SFXN1: variants seen among roughly 807,000 people sequenced by gnomAD.
The protein encoded by SFXN1 is sideroflexin-1.
A neutral mutation model predicts 39.5 loss-of-function variants in SFXN1; 32 were observed. That is an observed-to-expected ratio of 0.81 (90% CI 0.61 to 1.09). The LOEUF (loss-of-function observed/expected upper bound fraction) is 1.09, where lower values mean the gene tolerates loss of function less well. Ranked by LOEUF, SFXN1 falls within the 50% of genes least tolerant of loss-of-function variation. The pLI, the probability that SFXN1 is intolerant of heterozygous loss-of-function variation, is 0.00. For synonymous variants in SFXN1, 136 were observed against 146.5 expected, an observed-to-expected ratio of 0.93 and a Z score of 0.52; for missense variants, 402 against 407.1, an observed-to-expected ratio of 0.99 and a Z score of 0.11.
chr5:175,513,214 C>T (rs1450974843), intron 6 of SFXN1, among the ~76,000 whole-genome samples: 3 of 143,462 alleles, frequency 2.1e-5, no homozygotes, highest in African/African-American at 7.7e-5. Context: ...GCAGGAGAAT[C>T]GCTTTGAACC....
intron 1 of SFXN1, among the ~76,000 whole-genome samples, chr5:175,480,623 A>G (rs1482465139): frequency 6.6e-6 from 1 of 152,244 alleles, no homozygotes; most frequent in East Asian, 1.9e-4. Context: ...TAAAAGTTCT[A>G]TGAAACCCCA....
chr5:175,480,627 A>C (rs1759210007), intron 1 of SFXN1, among the ~76,000 whole-genome samples: 1 of 152,246 alleles, frequency 6.6e-6, no homozygotes, highest in African/African-American at 2.4e-5. Flanking sequence ...AGTTCTATGA[A>C]ACCCCATGGG....
intron 2 of SFXN1, among the ~76,000 whole-genome samples, chr5:175,496,967 T>C (rs267365): frequency 0.84 from 127,326 of 151,750 alleles, 53,753 homozygotes; most frequent in African/African-American, 0.92. Context: ...CAGCTCACTG[T>C]AACCTCTGCC....
chr5:175,491,036 G>A (rs910252624), intron 1 of SFXN1, among the ~76,000 whole-genome samples: 11 of 151,954 alleles, frequency 7.2e-5, no homozygotes, highest in African/African-American at 1.2e-4. Flanking sequence ...TGTATTTTTC[G>A]GAATACCACA....
intron 2 of SFXN1, among the ~76,000 whole-genome samples, chr5:175,500,403 A>AACACACACACAC (rs4008099): frequency 1.2e-4 from 15 of 127,296 alleles, no homozygotes; most frequent in African/African-American, 1.7e-4. Context: ...CCTGTACACC[A>AACACACACACAC]ACACACACAC....
chr5:175,519,392 A>G (rs750931364), intron 8 of SFXN1, among the ~76,000 whole-genome samples: 47 of 152,238 alleles, frequency 3.1e-4, no homozygotes, highest in Non-Finnish European at 6.2e-4. Flanking sequence ...TAAAAGACGA[A>G]TATTCATAGC....
At position 175,513,191 on chromosome 5, in the gene SFXN1, T is replaced by C. The variant is rs139000060; in HGVS notation, c.597-272T>C. Reference sequence around the variant, plus strand: ...GTCACATGCCTGTAATTCTAGCTACTCGGGAGGCTGAGGCAGGAGAATCGC... The same window carrying C: ...GTCACATGCCTGTAATTCTAGCTACCCGGGAGGCTGAGGCAGGAGAATCGC... On this transcript the variant is annotated intron_variant, in intron 6 of 10. Coordinates refer to ENST00000321442, the MANE Select transcript of SFXN1 (RefSeq NM_022754.7). 3.1e-3 allele frequency among the ~76,000 whole-genome samples: 460 copies of C among 150,654 alleles called. 4 individuals carry two copies. The highest frequency in any genetic ancestry group is 0.011 in the African/African-American group (440 of 41,052).
chr5:175,492,866 A>G (rs995019167), intron 2 of SFXN1, among the ~76,000 whole-genome samples: 2 of 152,210 alleles, frequency 1.3e-5, no homozygotes, highest in East Asian at 1.9e-4. Flanking sequence ...GTAAAAGATC[A>G]TATAGGAACT....
At chr5:175,490,684 TGC>T (rs1362136847) in intron 1 of SFXN1, among the ~76,000 whole-genome samples, 1 of 152,148 alleles carries the variant, frequency 6.6e-6, no homozygotes, top group Non-Finnish European at 1.5e-5. Context: ...GCTAATATCA[TGC>T]AAAGAGAGCT....
chr5:175,517,406 G>T (rs958386726), intron 8 of SFXN1, among the ~76,000 whole-genome samples: 2 of 152,016 alleles, frequency 1.3e-5, no homozygotes, highest in Admixed American at 1.3e-4. Flanking sequence ...CCACATGGAA[G>T]GGCCCACTGG....
At chr5:175,500,736 T>C (rs1760044490) in intron 2 of SFXN1, among the ~76,000 whole-genome samples, 1 of 152,104 alleles carries the variant, frequency 6.6e-6, no homozygotes, top group African/African-American at 2.4e-5. Flanking sequence ...ACTATAAAGC[T>C]CTCGTAGTAA....
chr5:175,478,982 C>T (rs1759132102), intron 1 of SFXN1, among the ~76,000 whole-genome samples: 1 of 152,198 alleles, frequency 6.6e-6, no homozygotes, highest in African/African-American at 2.4e-5. Flanking sequence ...GGCGAACTCG[C>T]TCCGGGGACA....
At chr5:175,523,220 G>T (rs146259067) in intron 10 of SFXN1, 4 of 152,266 alleles carry the variant, frequency 2.6e-5, no homozygotes, top group African/African-American at 4.8e-5. Context: ...CTCTGTCTCC[G>T]ACCCTGCTGT....
intron 1 of SFXN1, among the ~76,000 whole-genome samples, chr5:175,487,600 T>C (rs1319145297): frequency 1.3e-5 from 2 of 152,126 alleles, no homozygotes; most frequent in Non-Finnish European, 2.9e-5. Context: ...CACACCACAG[T>C]CCTTGGATCT....
intron 2 of SFXN1, among the ~76,000 whole-genome samples, chr5:175,508,049 T>C (rs764841020): frequency 6.6e-6 from 1 of 152,102 alleles, no homozygotes; most frequent in Non-Finnish European, 1.5e-5. Context: ...ATATCCTTGA[T>C]TACCATAACT....
rs4008099 is a variant in SFXN1 at position 175,500,403 on chromosome 5, AACACACACACAC to A, written c.164+8176_164+8187del. 5.1e-3 allele frequency among the ~76,000 whole-genome samples: 655 copies of A among 127,292 alleles called. 8 individuals carry two copies. Among genetic ancestry groups the A allele is most frequent in the African/African-American group, 0.015 (541 of 35,390 alleles). 83.5% of individuals were successfully genotyped at this position (127,292 alleles called of 152,430 possible). On this transcript the variant is annotated intron_variant, in intron 2 of 10. Coordinates refer to ENST00000321442, the MANE Select transcript of SFXN1 (RefSeq NM_022754.7). ...AAAATATATAAAATGCCTGTACACCAACACACACACACACACACACACACACACACACACACA... is the reference window on the plus strand; with the variant it reads ...AAAATATATAAAATGCCTGTACACCAACACACACACACACACACACACACA...
chr5:175,495,585 C>T (rs1428821836), intron 2 of SFXN1, among the ~76,000 whole-genome samples: 1 of 151,750 alleles, frequency 6.6e-6, no homozygotes, highest in Non-Finnish European at 1.5e-5. Flanking sequence ...AAAAATTAGC[C>T]GAGTATGGTG....
chr5:175,524,270 A>G (rs1174512175), intron 10 of SFXN1, among the ~76,000 whole-genome samples: 1 of 150,774 alleles, frequency 6.6e-6, no homozygotes, highest in East Asian at 2.0e-4. Flanking sequence ...TGCATTTTAT[A>G]TTTGTGTATG....
At chr5:175,498,027 T>G (rs1374852757) in intron 2 of SFXN1, among the ~76,000 whole-genome samples, 1 of 150,554 alleles carries the variant, frequency 6.6e-6, no homozygotes, top group Non-Finnish European at 1.5e-5. Flanking sequence ...CACTAGAATT[T>G]TTATGCTGTT....
Sources: allele counts gnomAD v4.1 joint callset (sites outside exome capture counted in the v4.1 genomes callset), GRCh38; gene constraint gnomAD v4.1.1; transcripts MANE v1.5; gene names NCBI Gene and HGNC (gene_info 2026-07-23, HGNC 2026-07-21).